Variants in KIF6 observed in about 807,000 individuals in gnomAD.
KIF6 encodes the protein kinesin family member 6.
Under a neutral mutation model 112.7 loss-of-function variants are expected in KIF6, and 106 were observed. The observed-to-expected ratio is 0.94, with a 90% CI of 0.80 to 1.11. The LOEUF is 1.11. Among genes scored for constraint, KIF6 ranks in the 50% least tolerant of loss-of-function variants. The pLI is 0.00. For synonymous variants in KIF6, 339 were observed against 339.9 expected, an observed-to-expected ratio of 1.00 and a Z score of 0.03; for missense variants, 929 against 964.0, an observed-to-expected ratio of 0.96 and a Z score of 0.48.
chr6:39,678,874 T>C (rs1787330246), intron 3 of KIF6, among the ~76,000 whole-genome samples: 1 of 152,188 alleles, frequency 6.6e-6, no homozygotes, highest in Non-Finnish European at 1.5e-5. Flanking sequence ...TTGGAGTCTT[T>C]ACCATGGAAT....
intron 13 of KIF6, among the ~76,000 whole-genome samples, chr6:39,448,040 T>C (rs990629879): frequency 6.6e-6 from 1 of 152,222 alleles, no homozygotes; most frequent in African/African-American, 2.4e-5. Flanking sequence ...TTTGCGATTC[T>C]TCATACTCTC....
chr6:39,533,769 C>T (rs1228008546), intron 13 of KIF6, among the ~76,000 whole-genome samples: 1 of 152,190 alleles, frequency 6.6e-6, no homozygotes, highest in Non-Finnish European at 1.5e-5. Flanking sequence ...CAAGTGGGTC[C>T]CTGACCCCTG....
At chr6:39,581,800 A>G (rs1023288687) in intron 9 of KIF6, among the ~76,000 whole-genome samples, 7 of 152,144 alleles carry the variant, frequency 4.6e-5, no homozygotes, top group African/African-American at 1.7e-4. Context: ...TCTCCACTCC[A>G]GGACAACTGC....
At position 39,659,827 on chromosome 6, in the gene KIF6, T is replaced by C. The variant is rs187426307; in HGVS notation, c.252-20070A>G. Among the ~76,000 whole-genome samples, 314 of 152,272 alleles carry C rather than the reference T, an allele frequency of 2.1e-3. 1 individual carries two copies. Among genetic ancestry groups the C allele is most frequent in the African/African-American group, 7.2e-3 (300 of 41,566 alleles). On this transcript the variant is annotated intron_variant, in intron 3 of 22. Coordinates refer to ENST00000287152, the MANE Select transcript of KIF6 (RefSeq NM_145027.6). The stretch of plus-strand genomic sequence containing the variant: ...AGTTTTGTGTATTTCTTCACAGCAG[T>C]GTGAGAATGGACTAATACATCAAGT...
At chr6:39,669,705 A>G (rs1786687504) in intron 3 of KIF6, among the ~76,000 whole-genome samples, 1 of 152,264 alleles carries the variant, frequency 6.6e-6, no homozygotes, top group African/African-American at 2.4e-5. Context: ...TAGAATAGAC[A>G]TATTTAGACC....
intron 3 of KIF6, among the ~76,000 whole-genome samples, chr6:39,706,082 C>T (rs1350340225): frequency 1.3e-5 from 2 of 152,126 alleles, no homozygotes; most frequent in Admixed American, 1.3e-4. Context: ...TTTATTTTAC[C>T]GCTGACCCAG....
At chr6:39,490,145 T>C (rs998251720) in intron 13 of KIF6, among the ~76,000 whole-genome samples, 2 of 152,154 alleles carry the variant, frequency 1.3e-5, no homozygotes, top group African/African-American at 2.4e-5. Flanking sequence ...GAGGAGACAA[T>C]GCATTATTTT....
intron 7 of KIF6, among the ~76,000 whole-genome samples, chr6:39,589,273 C>A (rs1781803853): frequency 6.6e-6 from 1 of 152,120 alleles, no homozygotes; most frequent in Admixed American, 6.5e-5. Flanking sequence ...CCCTGGACAC[C>A]CTATCAAAAA....
intron 12 of KIF6, among the ~76,000 whole-genome samples, chr6:39,541,107 T>C (rs978478497): frequency 1.3e-5 from 2 of 152,164 alleles, no homozygotes; most frequent in Non-Finnish European, 2.9e-5. Context: ...AATGGGAGTC[T>C]AAATGTGGTA....
At chr6:39,355,216 T>C (rs1396907417) in intron 19 of KIF6, among the ~76,000 whole-genome samples, 1 of 152,120 alleles carries the variant, frequency 6.6e-6, no homozygotes, top group Middle Eastern at 3.2e-3. Context: ...ATTTCATTGA[T>C]CCATAGGAGT....
chr6:39,538,419 C>T (rs2150558935), intron 13 of KIF6, among the ~76,000 whole-genome samples: 1 of 152,000 alleles, frequency 6.6e-6, no homozygotes, highest in East Asian at 1.9e-4. Context: ...TATGAACAGA[C>T]ACTTCTCAAA....
intron 13 of KIF6, among the ~76,000 whole-genome samples, chr6:39,525,090 A>G (rs1387315869): frequency 2.6e-5 from 4 of 152,140 alleles, no homozygotes; most frequent in African/African-American, 9.7e-5. Flanking sequence ...TTTGTCTTCT[A>G]TGATTGTTTG....
At chr6:39,630,149 G>C (rs548122408) in intron 5 of KIF6, among the ~76,000 whole-genome samples, 1 of 151,912 alleles carries the variant, frequency 6.6e-6, no homozygotes, top group African/African-American at 2.4e-5. Flanking sequence ...CTTCTGTATT[G>C]TGTTGGCTAT....
At chr6:39,546,223 A>G (rs541739558) in intron 10 of KIF6, among the ~76,000 whole-genome samples, 1 of 151,680 alleles carries the variant, frequency 6.6e-6, no homozygotes, top group African/African-American at 2.4e-5. Context: ...AGCCATGCAG[A>G]CTCCTTTGTT....
At position 39,488,529 on chromosome 6, in the gene KIF6, T is replaced by G. The variant is rs544763953; in HGVS notation, c.1645+51474A>C. Among the ~76,000 whole-genome samples the G allele has an allele frequency of 2.6e-5, 4 of 152,322 alleles. 1 individual carries two copies. The South Asian group carries it at 8.3e-4, about 32-fold the overall frequency. On this transcript the variant is annotated intron_variant, in intron 13 of 22. Transcript: ENST00000287152. ...CTCTAGGAGCCTGGGTTAGGTCTCC[T>G]TCTGTGTAGTCAAAACTGACTGTAT...
At chr6:39,487,230 C>T (rs925301881) in intron 13 of KIF6, among the ~76,000 whole-genome samples, 1 of 152,174 alleles carries the variant, frequency 6.6e-6, no homozygotes, top group African/African-American at 2.4e-5. Context: ...AAACTATATA[C>T]TACGTTGCTG....
At chr6:39,414,227 G>C (rs1473276158) in intron 15 of KIF6, among the ~76,000 whole-genome samples, 2 of 152,038 alleles carry the variant, frequency 1.3e-5, no homozygotes, top group Non-Finnish European at 2.9e-5. Flanking sequence ...GTCCTTATTT[G>C]TGCTGGTTTT....
At chr6:39,490,475 G>A (rs1562260396) in intron 13 of KIF6, among the ~76,000 whole-genome samples, 2 of 152,186 alleles carry the variant, frequency 1.3e-5, no homozygotes, top group South Asian at 4.1e-4. Flanking sequence ...TAGAAATGAG[G>A]TGTGTATCTT....
intron 3 of KIF6, among the ~76,000 whole-genome samples, chr6:39,666,667 C>A (rs1462823697): frequency 6.6e-6 from 1 of 152,170 alleles, no homozygotes; most frequent in Non-Finnish European, 1.5e-5. Flanking sequence ...TTCTCGAATT[C>A]TTTTTACTCT....
Sources: gnomAD v4.1 joint callset for allele counts (sites outside exome capture counted in the v4.1 genomes callset) on GRCh38, gnomAD v4.1.1 for gene constraint, MANE v1.5 for transcripts, NCBI Gene and HGNC (gene_info 2026-07-23, HGNC 2026-07-21) for gene names.